SV2C: variants seen among roughly 807,000 people sequenced by gnomAD.
SV2C encodes the protein solute carrier family 22 member B3.
In SV2C, 49 loss-of-function variants were observed where a neutral mutation model predicts 79.7. The ratio of observed to expected loss-of-function variants is 0.61; its 90% CI spans 0.49 to 0.78. The LOEUF (loss-of-function observed/expected upper bound fraction) is 0.78, where lower values mean the gene tolerates loss of function less well. SV2C is among the 30% of genes least tolerant of loss of function. The pLI, the probability that SV2C is intolerant of heterozygous loss-of-function variation, is 0.00. For synonymous variants in SV2C, 334 were observed against 333.2 expected (o/e 1.00, Z -0.03); for missense variants, 833 against 912.9 (o/e 0.91, Z 1.13).
chr5:76,128,326 G>A (rs951849708), intron 1 of SV2C, among the ~76,000 whole-genome samples: 2 of 152,186 alleles, frequency 1.3e-5, no homozygotes, highest in Non-Finnish European at 2.9e-5. Flanking sequence ...GCTCGTCACT[G>A]ATTAAAGGTC....
intron 2 of SV2C, among the ~76,000 whole-genome samples, chr5:76,169,739 T>G (rs961881052): frequency 6.6e-6 from 1 of 152,160 alleles, no homozygotes; most frequent in Non-Finnish European, 1.5e-5. Flanking sequence ...CTAGCAACAA[T>G]AGCACGTGGA....
rs761787566 is a variant in SV2C, at chr5:76,151,162, A to T, written c.580+18832A>T. Among the ~76,000 whole-genome samples the T allele has an allele frequency of 5.9e-5, 9 of 152,188 alleles. No homozygotes were observed. The South Asian group carries it at 8.3e-4, about 14-fold the overall frequency. ...GAGCCAGGCTTCAAGTTGTGGATAG[A>T]ATTTGGACTTGCAGAGATGGAGCTG... On this transcript the variant is annotated intron_variant, in intron 2 of 12. Transcript: ENST00000502798.
chr5:76,117,342 T>G (rs1166635072), intron 1 of SV2C, among the ~76,000 whole-genome samples: 1 of 152,224 alleles, frequency 6.6e-6, no homozygotes. Context: ...CATCTAAACT[T>G]CACTGAGTTA....
At chr5:76,037,520 C>G in the SV2C span, among the ~76,000 whole-genome samples, 8 of 152,182 alleles carry the variant, frequency 5.3e-5, no homozygotes, top group South Asian at 2.1e-4. Flanking sequence ...AGGTGTCAAT[C>G]TGTCCCTGCT....
At chr5:76,036,475 A>G in the SV2C span, among the ~76,000 whole-genome samples, 1 of 151,880 alleles carries the variant, frequency 6.6e-6, no homozygotes, top group East Asian at 1.9e-4. Flanking sequence ...GCTTGTCTGT[A>G]AAGTATTTTA....
the SV2C span, among the ~76,000 whole-genome samples, chr5:75,856,737 C>T: frequency 6.6e-6 from 1 of 152,156 alleles, no homozygotes; most frequent in Non-Finnish European, 1.5e-5. Flanking sequence ...TCCTCCCATT[C>T]TGTGGGTTGT....
chr5:76,302,487 A>C (rs1218725036), intron 12 of SV2C, among the ~76,000 whole-genome samples: 1 of 151,824 alleles, frequency 6.6e-6, no homozygotes, highest in East Asian at 1.9e-4. Context: ...AAACCTAGCC[A>C]GGCATGGCGG....
chr5:76,039,658 G>A, the SV2C span, among the ~76,000 whole-genome samples: 1 of 151,440 alleles, frequency 6.6e-6, no homozygotes, highest in Admixed American at 6.6e-5. Context: ...CGAGAGGCAG[G>A]GGCAGGAGAA....
the SV2C span, among the ~76,000 whole-genome samples, chr5:75,935,033 A>T: frequency 6.6e-6 from 1 of 152,164 alleles, no homozygotes; most frequent in Non-Finnish European, 1.5e-5. Context: ...AACTTACAAG[A>T]AATGTTGCTA....
At chr5:76,142,501 A>G (rs1399020507) in intron 2 of SV2C, among the ~76,000 whole-genome samples, 1 of 152,204 alleles carries the variant, frequency 6.6e-6, no homozygotes, top group Non-Finnish European at 1.5e-5. Flanking sequence ...GAATCAATAC[A>G]GTGTGTTGTG....
chr5:76,090,634 C>T (rs1747344441), intron 1 of SV2C, among the ~76,000 whole-genome samples: 1 of 152,112 alleles, frequency 6.6e-6, no homozygotes, highest in African/African-American at 2.4e-5. Flanking sequence ...TCCTCACTGC[C>T]ATCACTGCTC....
chr5:75,947,370 G>C, the SV2C span, among the ~76,000 whole-genome samples: 2 of 151,852 alleles, frequency 1.3e-5, no homozygotes, highest in Non-Finnish European at 2.9e-5. Flanking sequence ...TCTTCCTGCA[G>C]CCTTCATTCA....
rs903077187 is a variant in SV2C, at chr5:76,330,949, C to G, written c.*5402C>G. ...TCGGCTCAATGCAACTTCCGCCTCC[C>G]AGGTTCAAGCAATTCTCCTGCCTCA... On this transcript the variant is annotated 3_prime_UTR_variant, in exon 13 of 13. Coordinates refer to ENST00000502798, the MANE Select transcript of SV2C (RefSeq NM_014979.4). 1.3e-5 allele frequency: 2 copies of G among 152,056 alleles called. No homozygotes were observed. The highest frequency in any genetic ancestry group is 2.4e-5 in the African/African-American group (1 of 41,358). The allele number at this position is 152,056 out of a possible 1,614,324, so 9.4% of individuals were successfully genotyped here.
chr5:75,850,674 C>T, the SV2C span, among the ~76,000 whole-genome samples: 5 of 151,512 alleles, frequency 3.3e-5, no homozygotes, highest in Non-Finnish European at 7.4e-5. Context: ...AAAGAATTTA[C>T]CGAGACAATT....
chr5:76,105,264 A>G (rs560477941), intron 1 of SV2C, among the ~76,000 whole-genome samples: 6 of 152,238 alleles, frequency 3.9e-5, no homozygotes, highest in Non-Finnish European at 5.9e-5. Flanking sequence ...CCCTGCCACC[A>G]CCAACGCCTT....
At chr5:76,001,649 A>G in the SV2C span, among the ~76,000 whole-genome samples, 1 of 152,142 alleles carries the variant, frequency 6.6e-6, no homozygotes. Context: ...GAAAGTTGTA[A>G]ATACGCTATT....
the SV2C span, among the ~76,000 whole-genome samples, chr5:76,051,127 A>G: frequency 1.3e-5 from 2 of 152,234 alleles, no homozygotes; most frequent in East Asian, 3.8e-4. Context: ...AAAAATGTAG[A>G]CCTTAATAGT....
the SV2C span, chr5:75,911,798 T>C: frequency 5.8e-5 from 34 of 581,936 alleles, no homozygotes; most frequent in South Asian, 4.6e-4. Context: ...GTCTCCACAG[T>C]ACCAGACAAG....
intron 2 of SV2C, among the ~76,000 whole-genome samples, chr5:76,177,063 C>T (rs1055403637): frequency 8.0e-5 from 12 of 150,282 alleles, no homozygotes; most frequent in African/African-American, 2.7e-4. Flanking sequence ...TGCAGTGAGC[C>T]GAGATCACGC....
Sources: gnomAD v4.1 joint callset for allele counts (sites outside exome capture counted in the v4.1 genomes callset) on GRCh38, gnomAD v4.1.1 for gene constraint, MANE v1.5 for transcripts, NCBI Gene and HGNC (gene_info 2026-07-23, HGNC 2026-07-21) for gene names.